ADK: variants seen among roughly 807,000 people sequenced by gnomAD.
ADK encodes the protein N6,N6-dimethyladenosine kinase.
ADK carries 24 observed loss-of-function variants against 44.7 expected under a neutral mutation model. The ratio of observed to expected loss-of-function variants is 0.54; its 90% CI spans 0.39 to 0.76. The LOEUF (loss-of-function observed/expected upper bound fraction) is 0.76. ADK is among the 30% of genes least tolerant of loss of function. The probability of loss-of-function intolerance (pLI) is 0.00; values close to 1 mark genes in which losing one functional copy is unlikely to be tolerated. For missense variants in ADK, 321 were observed against 425.1 expected (o/e 0.76, Z 2.15); for synonymous variants, 128 against 142.6 (o/e 0.90, Z 0.73).
intron 6 of ADK, among the ~76,000 whole-genome samples, chr10:74,453,583 C>T (rs1845847251): frequency 6.6e-6 from 1 of 151,988 alleles, no homozygotes; most frequent in Non-Finnish European, 1.5e-5. Flanking sequence ...TATTAGTGGC[C>T]TTTCAGTGAT....
rs868768418 is a variant in ADK at position 74,217,824 on chromosome 10, A to G, written c.141-6714A>G. On this transcript the variant is annotated intron_variant, in intron 2 of 10. Transcript: ENST00000539909. ...GCAGCTGAGGGTCCTGTCTGTTAGAAGGAAAACTAACAAACAGAAAGGACA... is the reference window on the plus strand; with the variant it reads ...GCAGCTGAGGGTCCTGTCTGTTAGAGGGAAAACTAACAAACAGAAAGGACA... Among the ~76,000 whole-genome samples, 62 of 152,256 alleles carry G rather than the reference A, an allele frequency of 4.1e-4. 1 individual carries two copies. In the Middle Eastern group the frequency reaches 0.01, roughly 25 times the overall value.
intron 7 of ADK, among the ~76,000 whole-genome samples, chr10:74,556,466 G>A (rs1033839687): frequency 1.1e-4 from 16 of 152,238 alleles, no homozygotes; most frequent in African/African-American, 3.6e-4. Flanking sequence ...ACTGTTATTT[G>A]CCACTGAGCT....
At chr10:74,589,839 T>G (rs1328743725) in intron 8 of ADK, among the ~76,000 whole-genome samples, 1 of 152,240 alleles carries the variant, frequency 6.6e-6, no homozygotes, top group African/African-American at 2.4e-5. Flanking sequence ...ATAAACTTAC[T>G]CTTTGAACCT....
intron 7 of ADK, among the ~76,000 whole-genome samples, chr10:74,534,296 A>G (rs1849382141): frequency 6.6e-6 from 1 of 152,238 alleles, no homozygotes; most frequent in East Asian, 1.9e-4. Context: ...TATTAAAATG[A>G]ATATATACTT....
At chr10:74,188,012 A>G (rs1451466030) in intron 1 of ADK, among the ~76,000 whole-genome samples, 1 of 152,218 alleles carries the variant, frequency 6.6e-6, no homozygotes, top group African/African-American at 2.4e-5. Context: ...GGGAAAAAGC[A>G]GAAGGTTTTA....
At chr10:74,665,172 G>T (rs907810479) in intron 9 of ADK, among the ~76,000 whole-genome samples, 2 of 149,074 alleles carry the variant, frequency 1.3e-5, no homozygotes, top group Non-Finnish European at 2.9e-5. Context: ...GATAAATGTT[G>T]CATAGAAATT....
chr10:74,242,894 G>GTCCCCTCTCCAGC, intron 3 of ADK, among the ~76,000 whole-genome samples: 1 of 152,144 alleles, frequency 6.6e-6, no homozygotes, highest in African/African-American at 2.4e-5. Context: ...TACTCTTCCC[G>GTCCCCTCTCCAGC]TCCCCTCTCC....
chr10:74,701,620 G>A (rs1476857980), intron 10 of ADK, among the ~76,000 whole-genome samples: 7 of 152,138 alleles, frequency 4.6e-5, no homozygotes, highest in African/African-American at 9.7e-5. Flanking sequence ...AATTAATTAA[G>A]GGCTGTAAGG....
rs28599671 is a variant in ADK, at chr10:74,671,756, C to T, written c.964+1487C>T. Among the ~76,000 whole-genome samples the T allele has an allele frequency of 2.4e-4, 36 of 152,284 alleles. 2 individuals carry two copies. The highest frequency in any genetic ancestry group is 7.2e-4 in the African/African-American group (30 of 41,564). The stretch of plus-strand genomic sequence containing the variant: ...CTTTTAAACTTATACACTGTATGTA[C>T]ATTACTTAAGTACTTTAAAATCTTT... On this transcript the variant is annotated intron_variant, in intron 10 of 10. Coordinates refer to ENST00000539909, the MANE Select transcript of ADK (RefSeq NM_006721.4).
chr10:74,200,961 G>A, intron 2 of ADK, 123 bp downstream of exon 2: 1 of 727,218 alleles, frequency 1.4e-6, no homozygotes, highest in Non-Finnish European at 2.4e-6. Context: ...GGAAATTTAA[G>A]TTTGGTGATA....
At chr10:74,449,322 A>G (rs1023925832) in intron 6 of ADK, among the ~76,000 whole-genome samples, 1 of 152,224 alleles carries the variant, frequency 6.6e-6, no homozygotes, top group Non-Finnish European at 1.5e-5. Context: ...CAGATTATCC[A>G]GGATACTCCA....
chr10:74,251,042 CAG>C (rs748482111), intron 3 of ADK, among the ~76,000 whole-genome samples: 11 of 152,106 alleles, frequency 7.2e-5, no homozygotes, highest in Non-Finnish European at 1.2e-4. Flanking sequence ...ATGCCTGGTC[CAG>C]AGTTAGAACT....
intron 3 of ADK, among the ~76,000 whole-genome samples, chr10:74,240,106 C>G (rs1056401396): frequency 2.0e-5 from 3 of 151,984 alleles, no homozygotes; most frequent in Non-Finnish European, 4.4e-5. Flanking sequence ...CCTCTACCTC[C>G]CAGGTTCAAG....
At chr10:74,519,603 C>T (rs1848726970) in intron 6 of ADK, among the ~76,000 whole-genome samples, 1 of 151,932 alleles carries the variant, frequency 6.6e-6, no homozygotes, top group East Asian at 1.9e-4. Flanking sequence ...AAAGTAGACT[C>T]TCAGAAGTAG....
At chr10:74,192,912 G>A (rs12220238) in intron 1 of ADK, among the ~76,000 whole-genome samples, 20,723 of 152,182 alleles carry the variant, frequency 0.14, 1,419 homozygotes, top group Middle Eastern at 0.21. Context: ...GATAAATGCT[G>A]TGTAGTGTGA....
chr10:74,391,648 AAT>A (rs67011543), intron 4 of ADK, among the ~76,000 whole-genome samples: 4,017 of 95,950 alleles, frequency 0.042, 112 homozygotes, highest in Middle Eastern at 0.061. Context: ...TCGAGGCAAG[AAT>A]ATACACACAC....
intron 10 of ADK, among the ~76,000 whole-genome samples, chr10:74,682,012 A>T (rs1237126243): frequency 2.0e-5 from 3 of 152,180 alleles, no homozygotes; most frequent in Non-Finnish European, 4.4e-5. Context: ...ACAGAAGCAT[A>T]CGCTAAACTT....
At chr10:74,357,105 C>T (rs922058343) in intron 4 of ADK, among the ~76,000 whole-genome samples, 7 of 152,134 alleles carry the variant, frequency 4.6e-5, no homozygotes, top group Admixed American at 4.6e-4. Context: ...TACTGCATTG[C>T]CTCATGGAGA....
intron 4 of ADK, among the ~76,000 whole-genome samples, chr10:74,332,815 A>G (rs1314165926): frequency 2.0e-5 from 3 of 152,196 alleles, no homozygotes; most frequent in Non-Finnish European, 4.4e-5. Context: ...CTGAAATAAC[A>G]TAAGGAATAT....
Sources: allele counts gnomAD v4.1 joint callset (sites outside exome capture counted in the v4.1 genomes callset), GRCh38; gene constraint gnomAD v4.1.1; transcripts MANE v1.5; gene names NCBI Gene and HGNC (gene_info 2026-07-23, HGNC 2026-07-21).